The following LDB2 variants were observed in gnomAD, a reference collection of about 807,000 sequenced individuals.
The protein encoded by LDB2 is LIM domain-binding protein 2.
A neutral mutation model predicts 44.3 loss-of-function variants in LDB2; 12 were observed. The observed-to-expected ratio is 0.27, with a 90% CI of 0.17 to 0.44. The LOEUF (loss-of-function observed/expected upper bound fraction) is 0.44. LDB2 is among the 20% of genes least tolerant of loss of function. LDB2 has a pLI of 1.00. For synonymous variants in LDB2, 164 were observed against 174.8 expected, an observed-to-expected ratio of 0.94 and a Z score of 0.49; for missense variants, 344 against 473.5, an observed-to-expected ratio of 0.73 and a Z score of 2.54.
chr4:16,868,183 G>A (rs576072145), intron 1 of LDB2, among the ~76,000 whole-genome samples: 9 of 152,062 alleles, frequency 5.9e-5, no homozygotes, highest in East Asian at 5.8e-4. Flanking sequence ...TTACTTTTGC[G>A]TCAGTTGAGC....
At chr4:16,559,174 A>G (rs578099359) in intron 5 of LDB2, among the ~76,000 whole-genome samples, 19 of 152,364 alleles carry the variant, frequency 1.2e-4, no homozygotes, top group African/African-American at 4.6e-4. Context: ...CAAAATAACC[A>G]GCTAACATCA....
intron 1 of LDB2, 34 bp downstream of exon 1, chr4:16,898,320 T>A (rs546357956): frequency 1.3e-6 from 2 of 1,598,882 alleles, no homozygotes; most frequent in Non-Finnish European, 1.7e-6. Context: ...TTAACAAAAA[T>A]ACACAAACAC....
At chr4:16,730,221 T>C (rs901363300) in intron 2 of LDB2, among the ~76,000 whole-genome samples, 2 of 152,192 alleles carry the variant, frequency 1.3e-5, no homozygotes, top group African/African-American at 4.8e-5. Flanking sequence ...CCAGAGTCCA[T>C]CCCTTTTGTA....
chr4:16,821,856 G>C (rs927262140), intron 1 of LDB2, among the ~76,000 whole-genome samples: 5 of 151,062 alleles, frequency 3.3e-5, no homozygotes, highest in Admixed American at 2.0e-4. Context: ...TGGCCTCTAT[G>C]ATTAAATAAT....
chr4:16,588,163 T>C (rs753391465), intron 4 of LDB2, among the ~76,000 whole-genome samples: 3 of 152,150 alleles, frequency 2.0e-5, no homozygotes, highest in Non-Finnish European at 2.9e-5. Context: ...GCACCTAATT[T>C]GTGCTCAATA....
intron 2 of LDB2, among the ~76,000 whole-genome samples, chr4:16,690,140 T>A (rs932325151): frequency 6.6e-6 from 1 of 152,090 alleles, no homozygotes; most frequent in African/African-American, 2.4e-5. Context: ...AGTTTCTAAC[T>A]CATGGGGAAG....
chr4:16,546,916 C>T (rs1296748112), intron 5 of LDB2, among the ~76,000 whole-genome samples: 2 of 152,132 alleles, frequency 1.3e-5, no homozygotes, highest in African/African-American at 2.4e-5. Flanking sequence ...TGCTCTAGGT[C>T]GACTTGCCTC....
intron 2 of LDB2, among the ~76,000 whole-genome samples, chr4:16,659,410 T>C (rs1474998465): frequency 6.6e-6 from 1 of 152,162 alleles, no homozygotes; most frequent in East Asian, 1.9e-4. Context: ...AACATTTTAT[T>C]AGGCTTTAAT....
At position 16,805,662 on chromosome 4, in the gene LDB2, A is replaced by G. The variant is rs531366549; in HGVS notation, c.133-46402T>C. On this transcript the variant is annotated intron_variant, in intron 1 of 7. Coordinates refer to ENST00000304523, the MANE Select transcript of LDB2 (RefSeq NM_001290.5). ...TTGATTCCAGCTGATTCAAGAGGCA[A>G]TTGGGAACCACTACCTTGTTCTCAG... Among the ~76,000 whole-genome samples, 20 of 152,334 alleles carry G rather than the reference A, an allele frequency of 1.3e-4. No individual in the cohort carries two copies. In the East Asian group the frequency reaches 3.9e-3, roughly 29 times the overall value.
At chr4:16,617,989 T>C (rs1432070556) in intron 2 of LDB2, among the ~76,000 whole-genome samples, 2 of 152,130 alleles carry the variant, frequency 1.3e-5, no homozygotes, top group Non-Finnish European at 2.9e-5. Flanking sequence ...TGTATTTTTC[T>C]GGATAATTCT....
intron 2 of LDB2, among the ~76,000 whole-genome samples, chr4:16,734,216 T>C (rs1761375136): frequency 6.6e-6 from 1 of 152,154 alleles, no homozygotes; most frequent in South Asian, 2.1e-4. Flanking sequence ...TGATGGCTAA[T>C]AAAAAAATGG....
chr4:16,765,389 G>A (rs1042557732), intron 1 of LDB2, among the ~76,000 whole-genome samples: 5 of 152,130 alleles, frequency 3.3e-5, no homozygotes, highest in Non-Finnish European at 7.3e-5. Flanking sequence ...GACCTACAAT[G>A]TCCAGCAAAT....
chr4:16,534,792 C>T (rs959835942), intron 5 of LDB2, among the ~76,000 whole-genome samples: 1 of 152,190 alleles, frequency 6.6e-6, no homozygotes, highest in Non-Finnish European at 1.5e-5. Flanking sequence ...TGTAGGGTCT[C>T]CCTTGCTATC....
chr4:16,855,267 C>G (rs1789133640), intron 1 of LDB2, among the ~76,000 whole-genome samples: 1 of 152,076 alleles, frequency 6.6e-6, no homozygotes, highest in Non-Finnish European at 1.5e-5. Flanking sequence ...ATCACAAATC[C>G]TTAACAATGG....
chr4:16,635,843 A>T (rs1425310614), intron 2 of LDB2, among the ~76,000 whole-genome samples: 2 of 152,172 alleles, frequency 1.3e-5, no homozygotes, highest in African/African-American at 2.4e-5. Context: ...GAAAGAGTCA[A>T]TATGATTCCA....
intron 5 of LDB2, among the ~76,000 whole-genome samples, chr4:16,562,736 A>G (rs150375079): frequency 0.012 from 1,897 of 152,324 alleles, 43 homozygotes; most frequent in African/African-American, 0.043. Context: ...AAAGGACTAT[A>G]AATCATACTG....
intron 2 of LDB2, among the ~76,000 whole-genome samples, chr4:16,597,041 C>T (rs1721149504): frequency 6.6e-6 from 1 of 152,114 alleles, no homozygotes; most frequent in African/African-American, 2.4e-5. Flanking sequence ...AAAGCTTTAG[C>T]TAGGAAAGAT....
intron 5 of LDB2, among the ~76,000 whole-genome samples, chr4:16,563,228 TA>T (rs1407114441): frequency 6.6e-6 from 1 of 151,340 alleles, no homozygotes; most frequent in Non-Finnish European, 1.5e-5. Flanking sequence ...ATAATAATAA[TA>T]AAAAGACATT....
intron 1 of LDB2, among the ~76,000 whole-genome samples, chr4:16,839,609 C>T (rs570050017): frequency 6.6e-6 from 1 of 152,202 alleles, no homozygotes; most frequent in East Asian, 1.9e-4. Flanking sequence ...AAGTAATTTT[C>T]CCAAGTTAAG....
Sources: gnomAD v4.1 joint callset for allele counts (sites outside exome capture counted in the v4.1 genomes callset) on GRCh38, gnomAD v4.1.1 for gene constraint, MANE v1.5 for transcripts, NCBI Gene and HGNC (gene_info 2026-07-23, HGNC 2026-07-21) for gene names.